Variants in DGKB observed in about 807,000 individuals in gnomAD.
DGKB encodes the protein 90 kDa diacylglycerol kinase.
Under a neutral mutation model 114.3 loss-of-function variants are expected in DGKB, and 67 were observed. The observed-to-expected ratio is 0.59, with a 90% CI of 0.48 to 0.72. The LOEUF (loss-of-function observed/expected upper bound fraction) is 0.72, where lower values mean the gene tolerates loss of function less well. Among genes scored for constraint, DGKB ranks in the 30% least tolerant of loss-of-function variants. DGKB has a pLI of 0.00. For missense variants in DGKB, 907 were observed against 975.2 expected (o/e 0.93, Z 0.93); for synonymous variants, 398 against 323.1 (o/e 1.23, Z -2.49).
At chr7:14,168,427 T>A (rs1387169940) in intron 25 of DGKB, among the ~76,000 whole-genome samples, 1 of 152,182 alleles carries the variant, frequency 6.6e-6, no homozygotes, top group Admixed American at 6.5e-5. Flanking sequence ...TGTGCCGATG[T>A]GGCAAAACAT....
At chr7:14,672,354 G>A (rs1418938881) in intron 13 of DGKB, among the ~76,000 whole-genome samples, 2 of 151,760 alleles carry the variant, frequency 1.3e-5, no homozygotes, top group African/African-American at 4.8e-5. Context: ...TCCTACCAAG[G>A]TTCGTTCTTT....
chr7:14,178,490 T>C (rs1398821511), intron 23 of DGKB, among the ~76,000 whole-genome samples: 7 of 151,676 alleles, frequency 4.6e-5, no homozygotes, highest in Admixed American at 2.6e-4. Context: ...GGACCATTTA[T>C]ACATCCCACA....
Position 14,146,602 on chromosome 7 carries a change from T to C in DGKB, c.*2529A>G, listed in dbSNP as rs1781502686. The C allele has an allele frequency of 6.6e-6, 1 of 152,194 alleles. No homozygotes were observed. Among genetic ancestry groups the C allele is most frequent in the Admixed American group, 6.5e-5 (1 of 15,274 alleles). 9.4% of individuals were successfully genotyped at this position (152,194 alleles called of 1,614,324 possible). A position where few individuals can be genotyped will look rare whatever the true frequency, so the allele number is the denominator to read the frequency against. On this transcript the variant is annotated 3_prime_UTR_variant, in exon 26 of 26. Transcript: ENST00000402815. ...CTGTCATAAAACTGATGAGAATATC[T>C]TCTCTGATTTCAAACCCATCAAGTT...
At chr7:14,751,073 A>G (rs2128433657) in intron 4 of DGKB, among the ~76,000 whole-genome samples, 1 of 152,130 alleles carries the variant, frequency 6.6e-6, no homozygotes, top group African/African-American at 2.4e-5. Context: ...TTGGCCTCCC[A>G]AAGTGCTGGG....
intron 19 of DGKB, among the ~76,000 whole-genome samples, chr7:14,579,461 A>G (rs1283000999): frequency 2.0e-5 from 3 of 152,234 alleles, no homozygotes; most frequent in Non-Finnish European, 4.4e-5. Context: ...TAATTTTCAT[A>G]TACATCAAAT....
intron 23 of DGKB, chr7:14,191,064 A>G (rs1390491999): frequency 6.4e-6 from 1 of 155,834 alleles, no homozygotes; most frequent in African/African-American, 2.4e-5. Flanking sequence ...CTTGATTATT[A>G]TTGATAGTCT....
At chr7:14,196,357 G>C (rs577773712) in intron 23 of DGKB, among the ~76,000 whole-genome samples, 6 of 152,196 alleles carry the variant, frequency 3.9e-5, no homozygotes, top group Admixed American at 1.3e-4. Flanking sequence ...CTTATAAACA[G>C]ACTGCGGGCA....
chr7:14,758,508 A>G (rs1257823173), intron 2 of DGKB, among the ~76,000 whole-genome samples: 1 of 152,158 alleles, frequency 6.6e-6, no homozygotes, highest in African/African-American at 2.4e-5. Flanking sequence ...TAGCTAACAA[A>G]TATGGGTAAG....
At position 14,240,058 on chromosome 7, in the gene DGKB, T is replaced by C. The variant is rs1793414198; in HGVS notation, c.2123-61907A>G. Among the ~76,000 whole-genome samples, 4 of 152,056 alleles carry C rather than the reference T, an allele frequency of 2.6e-5. No homozygotes were observed. The South Asian group carries it at 8.3e-4, about 31-fold the overall frequency. On this transcript the variant is annotated intron_variant, in intron 23 of 25. Coordinates refer to ENST00000402815, the MANE Select transcript of DGKB (RefSeq NM_001350709.2). ...GTTTAGAAAATAATGGAAAGAAACA[T>C]GTGACAAAGTGGAGAAGATAACACC... is the stretch of plus-strand genomic sequence containing the variant.
rs200010578 is a variant in DGKB, at chr7:14,612,104, AGAG to A, written c.1358+1233_1358+1235del. On this transcript the variant is annotated intron_variant, in intron 16 of 25. Transcript: ENST00000402815. Reference sequence around the variant, plus strand: ...ATTTAAAATAATTTCTATCATGTTTAGAGGAGTAAAACATAACTATATACTGAT... The same window carrying A: ...ATTTAAAATAATTTCTATCATGTTTAGAGTAAAACATAACTATATACTGAT... Among the ~76,000 whole-genome samples, 316 of 151,710 alleles carry A rather than the reference AGAG, an allele frequency of 2.1e-3. 3 individuals carry two copies. The East Asian group carries it at 0.047, about 23-fold the overall frequency.
intron 13 of DGKB, among the ~76,000 whole-genome samples, chr7:14,649,251 T>G (rs1343957932): frequency 6.6e-6 from 1 of 150,936 alleles, no homozygotes; most frequent in Non-Finnish European, 1.5e-5. Flanking sequence ...GAGAGAAAGG[T>G]CGGGTTCCCC....
intron 2 of DGKB, among the ~76,000 whole-genome samples, chr7:14,759,796 A>G (rs1377001184): frequency 6.6e-6 from 1 of 152,186 alleles, no homozygotes. Flanking sequence ...GCCAGATCAT[A>G]CAGTAACTCT....
intron 23 of DGKB, among the ~76,000 whole-genome samples, chr7:14,192,801 ACT>A (rs1431497019): frequency 6.6e-6 from 1 of 152,038 alleles, no homozygotes; most frequent in Non-Finnish European, 1.5e-5. Flanking sequence ...TAATAATACA[ACT>A]CACTATAATG....
At chr7:14,291,471 A>G (rs966535362) in intron 23 of DGKB, among the ~76,000 whole-genome samples, 3 of 152,184 alleles carry the variant, frequency 2.0e-5, no homozygotes, top group African/African-American at 7.2e-5. Flanking sequence ...GGTCTAAAAT[A>G]TCTTCTCAGA....
intron 12 of DGKB, among the ~76,000 whole-genome samples, chr7:14,682,301 G>A (rs1025647303): frequency 6.6e-6 from 1 of 151,946 alleles, no homozygotes; most frequent in Non-Finnish European, 1.5e-5. Context: ...AACACTCCAT[G>A]GAACACAGTT....
chr7:14,426,701 C>T (rs1481721555), intron 21 of DGKB, among the ~76,000 whole-genome samples: 2 of 152,014 alleles, frequency 1.3e-5, no homozygotes, highest in Non-Finnish European at 2.9e-5. Flanking sequence ...ATTGTGGGGC[C>T]TTCAATTTAA....
At chr7:14,723,604 T>C (rs551506355) in intron 5 of DGKB, among the ~76,000 whole-genome samples, 174 of 149,968 alleles carry the variant, frequency 1.2e-3, no homozygotes, top group African/African-American at 4.3e-3. Context: ...TACACACACA[T>C]ATATATGTGT....
chr7:14,939,160 A>G (rs537496489), intron 1 of DGKB, among the ~76,000 whole-genome samples: 1 of 152,258 alleles, frequency 6.6e-6, no homozygotes, highest in Admixed American at 6.5e-5. Flanking sequence ...TAGGCTTTGC[A>G]TTAGTACTTT....
In DGKB at chr7:14,154,995, G is replaced by A. The variant is rs566779101; in HGVS notation, c.2305-5757C>T. On this transcript the variant is annotated intron_variant, in intron 25 of 25. Coordinates refer to ENST00000402815, the MANE Select transcript of DGKB (RefSeq NM_001350709.2). ...ACAGGCTAGGAACACTGACATCATTGTTAGAAATGCAGACTCCCCGGTCCC... is the reference window on the plus strand; with the variant it reads ...ACAGGCTAGGAACACTGACATCATTATTAGAAATGCAGACTCCCCGGTCCC... 4.1e-3 allele frequency among the ~76,000 whole-genome samples: 624 copies of A among 152,120 alleles called. 6 individuals carry two copies. The highest frequency in any genetic ancestry group is 0.015 in the African/African-American group (602 of 41,496).
Sources: gnomAD v4.1 joint callset for allele counts (sites outside exome capture counted in the v4.1 genomes callset) on GRCh38, gnomAD v4.1.1 for gene constraint, MANE v1.5 for transcripts, NCBI Gene and HGNC (gene_info 2026-07-23, HGNC 2026-07-21) for gene names.